Variants in OR51B5 observed in about 807,000 individuals in gnomAD.
OR51B5 encodes olfactory receptor 51B5.
For missense variants in OR51B5, 456 were observed against 374.6 expected, an observed-to-expected ratio of 1.22 and a Z score of -1.79; for synonymous variants, 186 against 144.8, an observed-to-expected ratio of 1.28 and a Z score of -2.04.
At chr11:5,497,537 C>T (rs895619932) in intron 1 of OR51B5, among the ~76,000 whole-genome samples, 1 of 152,186 alleles carries the variant, frequency 6.6e-6, no homozygotes, top group Non-Finnish European at 1.5e-5. Flanking sequence ...CATCAGAACA[C>T]TTGGGACTAC....
chr11:5,384,018 G>C (rs1002493826), intron 1 of OR51B5: 2 of 152,282 alleles, frequency 1.3e-5, no homozygotes, highest in Non-Finnish European at 2.9e-5. Flanking sequence ...GAATGCATAG[G>C]TATCACAAAA....
intron 1 of OR51B5, among the ~76,000 whole-genome samples, chr11:5,493,133 C>G (rs911466589): frequency 1.3e-5 from 2 of 152,186 alleles, no homozygotes; most frequent in African/African-American, 4.8e-5. Context: ...CTATCTTCCA[C>G]TAAATTGCTG....
At chr11:5,409,526 A>G (rs1482270809) in intron 1 of OR51B5, among the ~76,000 whole-genome samples, 1 of 152,186 alleles carries the variant, frequency 6.6e-6, no homozygotes, top group East Asian at 1.9e-4. Flanking sequence ...AATCTATCAA[A>G]ATAAATGCAT....
intron 1 of OR51B5, among the ~76,000 whole-genome samples, chr11:5,434,101 C>T (rs1306677918): frequency 1.3e-5 from 2 of 152,076 alleles, no homozygotes; most frequent in African/African-American, 2.4e-5. Flanking sequence ...CTTAAAAATC[C>T]CAGTGCTCAG....
chr11:5,370,531 T>G (rs958421904), intron 1 of OR51B5, among the ~76,000 whole-genome samples: 1 of 152,232 alleles, frequency 6.6e-6, no homozygotes, highest in African/African-American at 2.4e-5. Flanking sequence ...TCTTTCATTC[T>G]TACTTTCTGT....
chr11:5,354,153 C>T (rs4910760), intron 1 of OR51B5, among the ~76,000 whole-genome samples: 57,676 of 151,968 alleles, frequency 0.38, 11,172 homozygotes, highest in Non-Finnish European at 0.41. Flanking sequence ...TGTGTGTCTG[C>T]TAGTTCTTCT....
At chr11:5,400,332 AAAAT>A (rs1849947195) in intron 1 of OR51B5, among the ~76,000 whole-genome samples, 1 of 152,240 alleles carries the variant, frequency 6.6e-6, no homozygotes, top group Admixed American at 6.5e-5. Flanking sequence ...AAAATATGAA[AAAAT>A]AAATTATTTT....
At chr11:5,446,013 C>A (rs143251272) in intron 1 of OR51B5, among the ~76,000 whole-genome samples, 9,415 of 151,982 alleles carry the variant, frequency 0.062, 356 homozygotes, top group Middle Eastern at 0.13. Flanking sequence ...GGACAAAAAA[C>A]CAAACACCGC....
chr11:5,421,831 C>G (rs1289981455), intron 1 of OR51B5, among the ~76,000 whole-genome samples: 1 of 152,110 alleles, frequency 6.6e-6, no homozygotes, highest in Non-Finnish European at 1.5e-5. Flanking sequence ...CACATTTATA[C>G]AATAGAGTTC....
chr11:5,387,379 G>T (rs979868033), intron 1 of OR51B5, among the ~76,000 whole-genome samples: 13 of 151,988 alleles, frequency 8.6e-5, no homozygotes, highest in African/African-American at 3.1e-4. Flanking sequence ...AGCTAAGTGG[G>T]TTTTAAAAAA....
At chr11:5,354,248 A>G (rs1260233528) in intron 1 of OR51B5, among the ~76,000 whole-genome samples, 1 of 152,186 alleles carries the variant, frequency 6.6e-6, no homozygotes, top group East Asian at 1.9e-4. Context: ...GCTTTTGGGA[A>G]TGAATTCAGG....
intron 1 of OR51B5, among the ~76,000 whole-genome samples, chr11:5,497,194 G>C (rs1322355324): frequency 1.3e-5 from 2 of 152,146 alleles, no homozygotes; most frequent in Non-Finnish European, 2.9e-5. Flanking sequence ...TTTAAGTGCT[G>C]GTACATATTG....
At chr11:5,358,727 C>A (rs953421669) in intron 1 of OR51B5, among the ~76,000 whole-genome samples, 1 of 151,890 alleles carries the variant, frequency 6.6e-6, no homozygotes, top group Non-Finnish European at 1.5e-5. Context: ...TGATGGACAT[C>A]GATGCAAAAA....
chr11:5,490,723 T>C (rs1352463314), intron 1 of OR51B5, among the ~76,000 whole-genome samples: 3 of 152,190 alleles, frequency 2.0e-5, no homozygotes, highest in African/African-American at 4.8e-5. Context: ...CACTGTCCAG[T>C]ATTTTATTAT....
At chr11:5,500,407 T>C (rs954647060) in intron 1 of OR51B5, among the ~76,000 whole-genome samples, 3 of 121,134 alleles carry the variant, frequency 2.5e-5, no homozygotes, top group African/African-American at 7.7e-5. Flanking sequence ...AACTGTAAAA[T>C]ACCAATTATA....
chr11:5,414,724 G>C (rs1418953747), intron 1 of OR51B5, among the ~76,000 whole-genome samples: 4 of 151,820 alleles, frequency 2.6e-5, no homozygotes, highest in African/African-American at 9.7e-5. Context: ...AACAAGAAGA[G>C]CTATCCTAAA....
chr11:5,423,100 G>T, intron 1 of OR51B5: 1 of 1,609,340 alleles, frequency 6.2e-7, no homozygotes, highest in Non-Finnish European at 8.5e-7. Flanking sequence ...AGAACAAGCA[G>T]ATCCAATGGG....
At chr11:5,404,539 CTCTGTAAAAT>C (rs1850031085) in intron 1 of OR51B5, among the ~76,000 whole-genome samples, 1 of 152,046 alleles carries the variant, frequency 6.6e-6, no homozygotes, top group African/African-American at 2.4e-5. Context: ...CCAATCAGTG[CTCTGTAAAAT>C]GGACCAAGAA....
chr11:5,340,396 G>A (rs1848875958), downstream of OR51B5: 1 of 151,326 alleles, frequency 6.6e-6, no homozygotes, highest in Non-Finnish European at 1.5e-5. Context: ...ATAGTTTGAA[G>A]TCACTTGCCT....
Sources: gnomAD v4.1 joint callset for allele counts (sites outside exome capture counted in the v4.1 genomes callset) on GRCh38, gnomAD v4.1.1 for gene constraint, MANE v1.5 for transcripts, NCBI Gene and HGNC (gene_info 2026-07-23, HGNC 2026-07-21) for gene names.